IL10RA: variants seen among roughly 807,000 people sequenced by gnomAD.
IL10RA encodes the protein interleukin 10 receptor subunit alpha, also known as interleukin-10 receptor subunit alpha.
A neutral mutation model predicts 29.6 loss-of-function variants in IL10RA; 18 were observed. That is an observed-to-expected ratio of 0.61 (90% CI 0.42 to 0.90). The LOEUF is 0.90. IL10RA is among the 40% of genes least tolerant of loss of function. The probability of loss-of-function intolerance (pLI) is 0.00; values close to 1 mark genes in which losing one functional copy is unlikely to be tolerated. For synonymous variants in IL10RA, 292 were observed against 294.1 expected (o/e 0.99, Z 0.07); for missense variants, 634 against 716.6 (o/e 0.88, Z 1.32).
intron 2 of IL10RA, 40 bp downstream of exon 2, chr11:117,988,542 T>A: frequency 1.9e-6 from 3 of 1,611,266 alleles, no homozygotes; most frequent in Non-Finnish European, 2.5e-6. Context: ...GAGGAGTGAA[T>A]CCCCGCCTTG....
intron 3 of IL10RA, among the ~76,000 whole-genome samples, chr11:117,991,526 C>A (rs2058022261): frequency 6.6e-6 from 1 of 152,144 alleles, no homozygotes; most frequent in Non-Finnish European, 1.5e-5. Flanking sequence ...ACTTGGTACC[C>A]CTCTCCTTGT....
rs1421265915 is a variant in IL10RA, at chr11:118,001,161, G to A, written c.*1520G>A. ...GGCAGGCTTGAGGGAGGATTCCTCA[G>A]GGTTCCCTTGAAAGCTTTATTTATT... On this transcript the variant is annotated 3_prime_UTR_variant, in exon 7 of 7. Transcript: ENST00000227752. 2.2e-6 allele frequency: 1 copy of A among 454,234 alleles called. No homozygotes were observed. The highest frequency in any genetic ancestry group is 2.3e-5 in the Admixed American group (1 of 42,576). The allele number at this position is 454,234 out of a possible 1,614,324, so 28.1% of individuals were successfully genotyped here.
At chr11:117,994,234 G>A (rs1000229980) in intron 5 of IL10RA, 85 bp downstream of exon 5, 1 of 1,215,838 alleles carries the variant, frequency 8.2e-7, no homozygotes, top group Non-Finnish European at 1.2e-6. Flanking sequence ...TGGGATGCTG[G>A]TGCCAGCCAC....
At position 117,993,427 on chromosome 11, in the gene IL10RA, G is replaced by A; in HGVS notation, c.537+17G>A. 1.9e-6 allele frequency: 3 copies of A among 1,611,522 alleles called. No individual in the cohort carries two copies. The highest frequency in any genetic ancestry group is 2.5e-6 in the Non-Finnish European group (3 of 1,177,798). ...AACTTCACGGTATGGGGTTCCCCAA[G>A]GCCCCAGGGCCAGAACTCCCTTGGC... On this transcript the variant is annotated intron_variant, in intron 4 of 6. Transcript: ENST00000227752.
rs2058075714 is a variant in IL10RA, at chr11:117,999,130, CT to C, written c.1227del (p.Glu410ArgfsTer38). On this transcript the variant is annotated frameshift_variant, in exon 7 of 7. Transcript: ENST00000227752. LOFTEE classifies it low-confidence loss of function (END_TRUNC). Reference protein sequence around the residue: ...DDSGIDLVQNSEGRAGDTQGG... With the variant: ...DDSGIDLVQNXEGRAGDTQGG... ...AGTGGCATTGACTTAGTTCAAAACT[CT>C]GAGGGCCGGGCTGGGGACACACAGG... The C allele has an allele frequency of 6.2e-7, 1 of 1,613,262 alleles. No homozygotes were observed. Among genetic ancestry groups the C allele is most frequent in the African/African-American group, 1.3e-5 (1 of 74,936 alleles).
chr11:117,993,526 G>T, intron 4 of IL10RA, 116 bp downstream of exon 4: 1 of 918,318 alleles, frequency 1.1e-6, no homozygotes. Flanking sequence ...GGGAGGGTCT[G>T]GGATGGTGGG....
chr11:117,990,374 T>C (rs752288865), intron 3 of IL10RA, among the ~76,000 whole-genome samples: 34 of 152,046 alleles, frequency 2.2e-4, no homozygotes, highest in Non-Finnish European at 3.5e-4. Context: ...TTTAACATTT[T>C]GTTCTTCTTT....
rs1591261495 is a variant in IL10RA at position 117,989,355 on chromosome 11, C to T, written c.189-87C>T. On this transcript the variant is annotated intron_variant, in intron 2 of 6. Transcript: ENST00000227752. The surrounding 1 kb of genome is among the most constrained non-coding windows in gnomAD (Gnocchi z 4.5). Reference sequence around the variant, plus strand: ...GTCCCAGTTTCTCCCAATGTGGGAGCTCTCTTCCTGGCCTCTTGCGTCTCC... The same window carrying T: ...GTCCCAGTTTCTCCCAATGTGGGAGTTCTCTTCCTGGCCTCTTGCGTCTCC... The T allele has an allele frequency of 8.3e-7, 1 of 1,201,278 alleles. No individual in the cohort carries two copies. The highest frequency in any genetic ancestry group is 2.0e-4 in the Middle Eastern group (1 of 5,060). The allele number at this position is 1,201,278 out of a possible 1,614,324, so 74.4% of individuals were successfully genotyped here. A position where few individuals can be genotyped will look rare whatever the true frequency, so the allele number is the denominator to read the frequency against.
chr11:117,993,950 G>A (rs377113276), intron 4 of IL10RA, 49 bp from the exon 5 acceptor site: 19 of 1,557,840 alleles, frequency 1.2e-5, no homozygotes, highest in Non-Finnish European at 1.6e-5. Context: ...CAGTGTCCGT[G>A]TGCCATGAAA....
chr11:117,996,030 A>T (rs531636490), intron 6 of IL10RA, among the ~76,000 whole-genome samples: 1 of 152,312 alleles, frequency 6.6e-6, no homozygotes, highest in African/African-American at 2.4e-5. Flanking sequence ...TGCATCTCTG[A>T]TTATGAGGCA....
chr11:117,991,688 C>T (rs556510765), intron 3 of IL10RA, among the ~76,000 whole-genome samples: 3 of 152,148 alleles, frequency 2.0e-5, no homozygotes, highest in East Asian at 1.9e-4. Context: ...TGGCTTATTT[C>T]GCTCATGATG....
chr11:117,998,710 C>T lies in IL10RA; in HGVS notation c.811-5C>T. The stretch of plus-strand genomic sequence containing the variant: ...GCTTCTCTCACTCTGCCCTCTCTTC[C>T]CCAGCTCTTCAAGAAGCCCAGCCCC... On this transcript the variant is annotated splice_polypyrimidine_tract_variant and splice_region_variant and intron_variant, in intron 6 of 6. Transcript: ENST00000227752. 1 of 1,613,936 alleles carries T rather than the reference C, an allele frequency of 6.2e-7. No homozygotes were observed. Among genetic ancestry groups the T allele is most frequent in the Non-Finnish European group, 8.5e-7 (1 of 1,179,830 alleles).
intron 6 of IL10RA, among the ~76,000 whole-genome samples, chr11:117,996,976 A>G (rs2058061064): frequency 6.6e-6 from 1 of 152,244 alleles, no homozygotes; most frequent in African/African-American, 2.4e-5. Context: ...TGATGATCGT[A>G]GTCATTACCA....
intron 5 of IL10RA, among the ~76,000 whole-genome samples, chr11:117,994,708 G>A (rs1230697529): frequency 6.6e-6 from 1 of 152,184 alleles, no homozygotes; most frequent in Admixed American, 6.5e-5. Context: ...GAGATAGAGT[G>A]TGCACAGAGG....
intron 3 of IL10RA, among the ~76,000 whole-genome samples, chr11:117,990,720 T>C (rs972472249): frequency 1.3e-5 from 2 of 152,358 alleles, no homozygotes; most frequent in South Asian, 2.1e-4. Context: ...TATTCTCTTC[T>C]ACTTTTCTGT....
chr11:118,002,334 G>T (rs777641113), downstream of IL10RA: 3 of 152,156 alleles, frequency 2.0e-5, no homozygotes, highest in Non-Finnish European at 4.4e-5. Context: ...GCCTCACCCA[G>T]TTCATTCTGA....
Position 117,989,290 on chromosome 11 carries a change from C to A in IL10RA, c.189-152C>A. 1 of 750,652 alleles carries A rather than the reference C, an allele frequency of 1.3e-6. No individual in the cohort carries two copies. Among genetic ancestry groups the A allele is most frequent in the Non-Finnish European group, 2.4e-6 (1 of 421,136 alleles). The allele number at this position is 750,652 out of a possible 1,614,324, so 46.5% of individuals were successfully genotyped here. ...TCCCAAGACCAAGGGAGACCCCTCA[C>A]AATGAGCTGCCGTGGACTAGAGGAT... On this transcript the variant is annotated intron_variant, in intron 2 of 6. Coordinates refer to ENST00000227752, the MANE Select transcript of IL10RA (RefSeq NM_001558.4). The surrounding 1 kb of genome is among the most constrained non-coding windows in gnomAD (Gnocchi z 4.5).
At chr11:117,992,977 C>T in intron 3 of IL10RA, 3 of 493,962 alleles carry the variant, frequency 6.1e-6, no homozygotes, top group Non-Finnish European at 3.7e-6. Flanking sequence ...GTTCTTGGCC[C>T]CTTTGTTGAA....
chr11:117,989,368 C>A lies in IL10RA; in HGVS notation c.189-74C>A. ...CCAATGTGGGAGCTCTCTTCCTGGC[C>A]TCTTGCGTCTCCCTTAAAGGAGGTA... On this transcript the variant is annotated intron_variant, in intron 2 of 6. Coordinates refer to ENST00000227752, the MANE Select transcript of IL10RA (RefSeq NM_001558.4). The surrounding 1 kb of genome is among the most constrained non-coding windows in gnomAD (Gnocchi z 4.5). The A allele has an allele frequency of 7.3e-7, 1 of 1,365,028 alleles. No individual in the cohort carries two copies. Among genetic ancestry groups the A allele is most frequent in the South Asian group, 1.2e-5 (1 of 85,504 alleles). 84.6% of individuals were successfully genotyped at this position (1,365,028 alleles called of 1,614,324 possible).
Sources: allele counts gnomAD v4.1 joint callset (sites outside exome capture counted in the v4.1 genomes callset), GRCh38; gene constraint gnomAD v4.1.1; non-coding constraint Gnocchi (gnomAD v3.1); transcripts MANE v1.5; gene names NCBI Gene and HGNC (gene_info 2026-07-23, HGNC 2026-07-21).